Variants in USP13 observed in about 807,000 individuals in gnomAD.
USP13 encodes the protein ubiquitin specific peptidase 13.
A neutral mutation model predicts 107.8 loss-of-function variants in USP13; 68 were observed. The observed-to-expected ratio is 0.63, with a 90% CI of 0.52 to 0.77. USP13 has a LOEUF of 0.77. USP13 is among the 30% of genes least tolerant of loss of function. USP13 has a pLI of 0.00. For synonymous variants in USP13, 377 were observed against 389.5 expected, an observed-to-expected ratio of 0.97 and a Z score of 0.38; for missense variants, 945 against 1,093.3, an observed-to-expected ratio of 0.86 and a Z score of 1.91.
chr3:179,664,783 A>C (rs1720540254), intron 1 of USP13, among the ~76,000 whole-genome samples: 1 of 152,192 alleles, frequency 6.6e-6, no homozygotes, highest in South Asian at 2.1e-4. Context: ...TATGTGCCTC[A>C]TGTGGTAAGA....
intron 11 of USP13, among the ~76,000 whole-genome samples, chr3:179,741,254 C>T (rs1052172056): frequency 6.7e-6 from 1 of 149,170 alleles, no homozygotes; most frequent in Non-Finnish European, 1.5e-5. Context: ...TTGCTCTTGT[C>T]GCCCAGGCTG....
At chr3:179,745,723 C>A (rs1219279617) in intron 13 of USP13, among the ~76,000 whole-genome samples, 1 of 152,144 alleles carries the variant, frequency 6.6e-6, no homozygotes, top group Non-Finnish European at 1.5e-5. Flanking sequence ...ATTTTAACTC[C>A]ATAATTAAAG....
rs1358268408 is a variant in USP13 at position 179,752,485 on chromosome 3, A to G, written c.1798+112A>G. 9 of 802,546 alleles carry G rather than the reference A, an allele frequency of 1.1e-5. No individual in the cohort carries two copies. In the South Asian group the frequency reaches 1.2e-4, roughly 11 times the overall value. The allele number at this position is 802,546 out of a possible 1,614,324, so 49.7% of individuals were successfully genotyped here. ...GCCACAAACAGTTCCATTTCATTCC[A>G]TCATTCTCACCTTTCTGTTTTGAAT... On this transcript the variant is annotated intron_variant, in intron 14 of 20. Coordinates refer to ENST00000263966, the MANE Select transcript of USP13 (RefSeq NM_003940.3).
chr3:179,698,651 A>G (rs551357865), intron 3 of USP13, among the ~76,000 whole-genome samples: 14 of 152,032 alleles, frequency 9.2e-5, no homozygotes, highest in Middle Eastern at 3.4e-3. Flanking sequence ...AAATTGTTAT[A>G]TATACAATAT....
chr3:179,771,510 C>G (rs973209142), intron 19 of USP13, among the ~76,000 whole-genome samples: 2 of 152,160 alleles, frequency 1.3e-5, no homozygotes, highest in African/African-American at 4.8e-5. Context: ...CTGATGTTGC[C>G]CCACTTCAGA....
At chr3:179,700,201 G>T (rs1002834231) in intron 3 of USP13, among the ~76,000 whole-genome samples, 2 of 152,106 alleles carry the variant, frequency 1.3e-5, no homozygotes, top group Non-Finnish European at 2.9e-5. Flanking sequence ...ATAGGTAACA[G>T]GCTAGAGGAG....
intron 17 of USP13, among the ~76,000 whole-genome samples, 197 bp from the exon 18 acceptor site, chr3:179,763,805 C>G (rs1164000177): frequency 6.6e-6 from 1 of 152,118 alleles, no homozygotes; most frequent in Non-Finnish European, 1.5e-5. Flanking sequence ...AGGCTGGCCA[C>G]GAACTCCTGA....
At chr3:179,751,006 G>A (rs573661178) in intron 13 of USP13, among the ~76,000 whole-genome samples, 1 of 152,276 alleles carries the variant, frequency 6.6e-6, no homozygotes, top group East Asian at 1.9e-4. Context: ...AGAAGGCAGT[G>A]ACTTAGATTT....
rs146217684 is a variant in USP13 at position 179,721,621 on chromosome 3, G to A, written c.1088+32G>A. ...GCCTTCCATGCAGACCAGGGCACGC[G>A]GCACCTCCCTGCCCCATCTAGGTCC... is the stretch of plus-strand genomic sequence containing the variant. On this transcript the variant is annotated intron_variant, in intron 8 of 20. Transcript: ENST00000263966. The surrounding 1 kb of genome is among the most constrained non-coding windows in gnomAD (Gnocchi z 4.3). 120 of 1,604,026 alleles carry A rather than the reference G, an allele frequency of 7.5e-5. No homozygotes were observed. In the East Asian group the frequency reaches 1.6e-3, roughly 21 times the overall value.
rs536944458 is a variant in USP13, at chr3:179,724,968, C to T, written c.1088+3379C>T. 7.2e-5 allele frequency among the ~76,000 whole-genome samples: 11 copies of T among 152,204 alleles called. No individual in the cohort carries two copies. The East Asian group carries it at 2.1e-3, about 29-fold the overall frequency. ...GGCATGGTGGCTCATGCCTGTAATC[C>T]CAGCACTTTGGGAGTCTGAGGTGGG... On this transcript the variant is annotated intron_variant, in intron 8 of 20. Coordinates refer to ENST00000263966, the MANE Select transcript of USP13 (RefSeq NM_003940.3).
intron 16 of USP13, 96 bp downstream of exon 16, chr3:179,757,174 C>G: frequency 2.9e-6 from 4 of 1,385,206 alleles, no homozygotes; most frequent in Non-Finnish European, 4.1e-6. Context: ...TTGTTCTGTA[C>G]GTGTGTGTGT....
At chr3:179,711,413 A>G (rs1455119744) in intron 6 of USP13, among the ~76,000 whole-genome samples, 1 of 152,114 alleles carries the variant, frequency 6.6e-6, no homozygotes, top group South Asian at 2.1e-4. Flanking sequence ...GGGTTTCACC[A>G]TGTTGGTCAG....
chr3:179,726,356 G>A (rs923657305), intron 8 of USP13, among the ~76,000 whole-genome samples: 3 of 152,242 alleles, frequency 2.0e-5, no homozygotes, highest in Non-Finnish European at 4.4e-5. Flanking sequence ...GTGGGCACAT[G>A]AAGGGCTGGA....
intron 19 of USP13, among the ~76,000 whole-genome samples, chr3:179,770,751 C>A (rs1413359876): frequency 6.6e-6 from 1 of 151,972 alleles, no homozygotes; most frequent in African/African-American, 2.4e-5. Flanking sequence ...ATTACAGGCA[C>A]GCGCCACCAC....
chr3:179,720,683 C>T (rs1418926388), intron 7 of USP13, among the ~76,000 whole-genome samples: 2 of 151,962 alleles, frequency 1.3e-5, no homozygotes, highest in African/African-American at 2.4e-5. Flanking sequence ...TTACACCTCC[C>T]TCCTTTTTGT....
intron 5 of USP13, 140 bp from the exon 6 acceptor site, chr3:179,708,633 A>G: frequency 9.2e-7 from 1 of 1,086,304 alleles, no homozygotes; most frequent in Non-Finnish European, 1.3e-6. Flanking sequence ...TCTTGAGGGG[A>G]GAAAATGGGG....
chr3:179,694,804 A>G (rs1314170540), intron 3 of USP13, among the ~76,000 whole-genome samples: 12 of 140,458 alleles, frequency 8.5e-5, no homozygotes, highest in African/African-American at 2.3e-4. Flanking sequence ...CATCTCAAAA[A>G]AAAAAAAAAA....
chr3:179,658,182 C>T (rs1441368097), intron 1 of USP13, among the ~76,000 whole-genome samples: 3 of 152,282 alleles, frequency 2.0e-5, no homozygotes, highest in East Asian at 1.9e-4. Context: ...TCCTGAACTC[C>T]TGACCTCGTG....
intron 15 of USP13, 43 bp from the exon 16 acceptor site, chr3:179,757,009 A>T: frequency 1.2e-6 from 2 of 1,610,696 alleles, no homozygotes; most frequent in Non-Finnish European, 8.5e-7. Flanking sequence ...AAACTCCTCA[A>T]CATGGTTTGG....
Sources: allele counts gnomAD v4.1 joint callset (sites outside exome capture counted in the v4.1 genomes callset), GRCh38; gene constraint gnomAD v4.1.1; non-coding constraint Gnocchi (gnomAD v3.1); transcripts MANE v1.5; gene names NCBI Gene and HGNC (gene_info 2026-07-23, HGNC 2026-07-21).